The following DAND5 variants were observed in gnomAD, a reference collection of about 807,000 sequenced individuals.
DAND5 encodes DAN domain family member 5.
Under a neutral mutation model 9.2 loss-of-function variants are expected in DAND5, and 8 were observed. That is an observed-to-expected ratio of 0.87 (90% CI 0.51 to 1.56). The LOEUF (loss-of-function observed/expected upper bound fraction) is 1.56, where lower values mean the gene tolerates loss of function less well. Among genes scored for constraint, DAND5 ranks in the 40% most tolerant of loss-of-function variants. The pLI is 0.00. For missense variants in DAND5, 244 were observed against 244.7 expected, an observed-to-expected ratio of 1.00 and a Z score of 0.02; for synonymous variants, 95 against 101.1, an observed-to-expected ratio of 0.94 and a Z score of 0.36.
chr19:12,973,008 G>A (rs558776797), intron 1 of DAND5, among the ~76,000 whole-genome samples: 50 of 151,466 alleles, frequency 3.3e-4, no homozygotes, highest in South Asian at 1.5e-3. Context: ...GACTACAGGC[G>A]CCCACCACCA....
chr19:12,971,272 ATTTATTTTAT>A (rs938365640), intron 1 of DAND5, among the ~76,000 whole-genome samples: 3 of 151,136 alleles, frequency 2.0e-5, no homozygotes, highest in African/African-American at 4.9e-5. Flanking sequence ...TTTTCTTATT[ATTTATTTTAT>A]TTTATTTTAT....
chr19:12,972,343 G>A (rs2011149747), intron 1 of DAND5, among the ~76,000 whole-genome samples: 1 of 151,978 alleles, frequency 6.6e-6, no homozygotes, highest in Non-Finnish European at 1.5e-5. Context: ...ATAGGCATGA[G>A]CCACCGTGCC....
Position 12,970,500 on chromosome 19 carries a change from C to T in DAND5, c.324+516C>T, listed in dbSNP as rs913878169. ...CAAGCTAGTCTTGAGCTTCTGGCCT[C>T]AAGCAATCCTCCCACCTCAGCCTCC... On this transcript the variant is annotated intron_variant, in intron 1 of 1. Coordinates refer to ENST00000317060, the MANE Select transcript of DAND5 (RefSeq NM_152654.3). The T allele has an allele frequency of 1.3e-5, 9 of 700,766 alleles. No homozygotes were observed. In the African/African-American group the frequency reaches 1.4e-4, roughly 11 times the overall value. The allele number at this position is 700,766 out of a possible 1,614,324, so 43.4% of individuals were successfully genotyped here.
At chr19:12,973,068 T>C (rs1411954015) in intron 1 of DAND5, among the ~76,000 whole-genome samples, 2 of 151,308 alleles carry the variant, frequency 1.3e-5, no homozygotes, top group Admixed American at 1.3e-4. Flanking sequence ...TTCACCGTGT[T>C]GGCCAGGATG....
Position 12,973,682 on chromosome 19 carries a change from G to T in DAND5, c.*48G>T, listed in dbSNP as rs1467885132. 2 of 1,585,976 alleles carry T rather than the reference G, an allele frequency of 1.3e-6. No homozygotes were observed. The highest frequency in any genetic ancestry group is 2.2e-5 in the East Asian group (1 of 44,666). Reference sequence around the variant, plus strand: ...ACGGAGACACGCACCTTGGAGAAATGAGGGGAGATGGACCAAGAAAGACGT... The same window carrying T: ...ACGGAGACACGCACCTTGGAGAAATTAGGGGAGATGGACCAAGAAAGACGT... On this transcript the variant is annotated 3_prime_UTR_variant, in exon 2 of 2. Coordinates refer to ENST00000317060, the MANE Select transcript of DAND5 (RefSeq NM_152654.3).
chr19:12,972,056 A>ATTT (rs1491209751), intron 1 of DAND5, among the ~76,000 whole-genome samples: 1 of 108,860 alleles, frequency 9.2e-6, no homozygotes, highest in African/African-American at 2.8e-5. Flanking sequence ...AGCCCAGCTA[A>ATTT]TATTTTTTTT....
rs1351853047 is a variant in DAND5, at chr19:12,972,098, G to A, written c.325-1291G>A. ...TTTTGAGACGGAGTCTCGCTCTGTC[G>A]CCCAGGCTGGAGTGCGGTGGTGGGA... is the stretch of plus-strand genomic sequence containing the variant. On this transcript the variant is annotated intron_variant, in intron 1 of 1. Coordinates refer to ENST00000317060, the MANE Select transcript of DAND5 (RefSeq NM_152654.3). Among the ~76,000 whole-genome samples, 14 of 139,852 alleles carry A rather than the reference G, an allele frequency of 1.0e-4. No homozygotes were observed. The East Asian group carries it at 1.5e-3, about 15-fold the overall frequency. 91.7% of individuals were successfully genotyped at this position (139,852 alleles called of 152,430 possible).
At chr19:12,970,255 T>TC (rs2011139623) in intron 1 of DAND5, among the ~76,000 whole-genome samples, 1 of 150,392 alleles carries the variant, frequency 6.6e-6, no homozygotes, top group African/African-American at 2.5e-5. Flanking sequence ...TGGTTCCCCC[T>TC]CCCCCTAGAA....
intron 1 of DAND5, chr19:12,970,665 T>TCTTTC: frequency 2.2e-6 from 1 of 452,820 alleles, no homozygotes; most frequent in African/African-American, 2.2e-5. Context: ...TTCTTTCCTT[T>TCTTTC]CTTTCTTTCT....
Position 12,969,943 on chromosome 19 carries a change from G to T in DAND5, c.283G>T (p.Glu95Ter), listed in dbSNP as rs762853421. 3.1e-6 allele frequency: 5 copies of T among 1,614,152 alleles called. No homozygotes were observed. The highest frequency in any genetic ancestry group is 2.2e-5 in the South Asian group (2 of 91,088). Residue 95 changes from glutamate (E) to a stop codon, truncating the protein, a stop_gained, in exon 1 of 2, where the codon GAA becomes TAA. Coordinates refer to ENST00000317060, the MANE Select transcript of DAND5 (RefSeq NM_152654.3). LOFTEE classifies it low-confidence loss of function (END_TRUNC). ...AAVTLPLNPQEVIQGMCKAVP... is the reference protein window; with the variant it reads ...AAVTLPLNPQ The stretch of plus-strand genomic sequence containing the variant: ...TGTGACTCTGCCGCTGAACCCTCAG[G>T]AAGTGATCCAGGGGATGTGTAAGGC...
Position 12,969,665 on chromosome 19 carries a change from T to G in DAND5, c.5T>G (p.Leu2Arg). ...GACAGACGCACGGACAAGCAGATGCTCCTTGGCCAGCTATCCACTCTTCTG... is the reference window on the plus strand; with the variant it reads ...GACAGACGCACGGACAAGCAGATGCGCCTTGGCCAGCTATCCACTCTTCTG... Reference protein sequence around the residue: MLLGQLSTLLCL... With the variant: MRLGQLSTLLCL... The change falls in exon 1 of 2, where the codon CTC (leucine) becomes CGC (arginine). Residue 2 changes from leucine (L) to arginine (R), a missense_variant. Transcript: ENST00000317060. 6.2e-7 allele frequency: 1 copy of G among 1,602,382 alleles called. No individual in the cohort carries two copies. The highest frequency in any genetic ancestry group is 8.5e-7 in the Non-Finnish European group (1 of 1,174,878).
At chr19:12,973,353 C>T in intron 1 of DAND5, 36 bp from the exon 2 acceptor site, 2 of 1,604,182 alleles carry the variant, frequency 1.2e-6, no homozygotes, top group Non-Finnish European at 8.5e-7. Flanking sequence ...GCCCCAAACT[C>T]CGCCACCCTG....
chr19:12,969,623 G>A lies in DAND5; in HGVS notation c.-38G>A, dbSNP rs749251252. ...CTGCTAGTGACCTTGAGCCCAGTCC[G>A]GACAGACAGACAGGCAGACAGACGC... is the stretch of plus-strand genomic sequence containing the variant. On this transcript the variant is annotated 5_prime_UTR_variant, in exon 1 of 2. Coordinates refer to ENST00000317060, the MANE Select transcript of DAND5 (RefSeq NM_152654.3). 6.4e-6 allele frequency: 10 copies of A among 1,561,508 alleles called. No individual in the cohort carries two copies. Among genetic ancestry groups the A allele is most frequent in the African/African-American group, 2.7e-5 (2 of 73,240 alleles).
intron 1 of DAND5, 122 bp downstream of exon 1, chr19:12,970,106 C>G: frequency 1.7e-6 from 2 of 1,194,158 alleles, no homozygotes; most frequent in Non-Finnish European, 1.2e-6. Context: ...CTCGGTGCCT[C>G]AGTTTCCTCC....
intron 1 of DAND5, 101 bp downstream of exon 1, chr19:12,970,085 C>A: frequency 7.3e-7 from 1 of 1,376,366 alleles, no homozygotes; most frequent in Non-Finnish European, 9.8e-7. Context: ...CTGTATCCTC[C>A]ACCTGAATGT....
intron 1 of DAND5, 134 bp downstream of exon 1, chr19:12,970,118 T>C (rs1340111557): frequency 9.9e-6 from 11 of 1,108,676 alleles, no homozygotes; most frequent in Admixed American, 2.6e-5. Flanking sequence ...GTTTCCTCCC[T>C]TGTAAAATGC....
In DAND5 at chr19:12,969,681, C is replaced by T. The variant is rs1375637182; in HGVS notation, c.21C>T (p.Ser7=). Residue 7 remains serine (S), a synonymous_variant, in exon 1 of 2, where the codon TCC becomes TCT. Transcript: ENST00000317060. MLLGQL[S]TLLCLLSGAL... is the part of the protein sequence containing the mutation. ...AGCAGATGCTCCTTGGCCAGCTATC[C>T]ACTCTTCTGTGCCTGCTTAGCGGGG... 1.4e-5 allele frequency: 22 copies of T among 1,606,224 alleles called. No individual in the cohort carries two copies. Among genetic ancestry groups the T allele is most frequent in the Middle Eastern group, 3.3e-4 (2 of 6,032 alleles).
At chr19:12,970,430 ACTTT>A (rs1271059667) in intron 1 of DAND5, 3 of 696,910 alleles carry the variant, frequency 4.3e-6, no homozygotes, top group East Asian at 2.7e-5. Flanking sequence ...TCAGACACCA[ACTTT>A]CTTTCTGTTT....
intron 1 of DAND5, among the ~76,000 whole-genome samples, chr19:12,973,071 C>G (rs543404128): frequency 1.4e-4 from 21 of 151,658 alleles, no homozygotes; most frequent in East Asian, 9.8e-4. Flanking sequence ...ACCGTGTTGG[C>G]CAGGATGGTC....
Sources: allele counts gnomAD v4.1 joint callset (sites outside exome capture counted in the v4.1 genomes callset), GRCh38; gene constraint gnomAD v4.1.1; transcripts MANE v1.5; gene names NCBI Gene and HGNC (gene_info 2026-07-23, HGNC 2026-07-21).